The following BOC variants were observed in gnomAD, a reference collection of about 807,000 sequenced individuals.
BOC encodes the protein brother of CDO.
Under a neutral mutation model 112.0 loss-of-function variants are expected in BOC, and 76 were observed. The ratio of observed to expected loss-of-function variants is 0.68; its 90% CI spans 0.56 to 0.82. BOC has a LOEUF of 0.82. Among genes scored for constraint, BOC ranks in the 40% least tolerant of loss-of-function variants. BOC has a pLI of 0.00. For synonymous variants in BOC, 580 were observed against 599.8 expected, an observed-to-expected ratio of 0.97 and a Z score of 0.48; for missense variants, 1,309 against 1,511.7, an observed-to-expected ratio of 0.87 and a Z score of 2.22.
intron 4 of BOC, among the ~76,000 whole-genome samples, chr3:113,260,549 A>G (rs1318409788): frequency 1.3e-5 from 2 of 152,182 alleles, no homozygotes; most frequent in Non-Finnish European, 2.9e-5. Flanking sequence ...ATGGTGGTGC[A>G]TGGCCTGTTA....
chr3:113,276,432 G>A (rs1452368899), intron 9 of BOC, among the ~76,000 whole-genome samples: 2 of 152,196 alleles, frequency 1.3e-5, no homozygotes, highest in Non-Finnish European at 2.9e-5. Flanking sequence ...GTGAGAGTCC[G>A]GACAGGCCCC....
At chr3:113,275,868 C>G (rs1464321061) in intron 9 of BOC, among the ~76,000 whole-genome samples, 1 of 152,136 alleles carries the variant, frequency 6.6e-6, no homozygotes, top group Non-Finnish European at 1.5e-5. Flanking sequence ...TGGGTCAGGA[C>G]AAGTCCACAG....
rs914611716 is a variant in BOC, at chr3:113,279,169, A to G, written c.1817-80A>G. 4.8e-5 allele frequency: 69 copies of G among 1,444,056 alleles called. 1 individual carries two copies. The highest frequency in any genetic ancestry group is 5.7e-5 in the Non-Finnish European group (60 of 1,045,204). 89.5% of individuals were successfully genotyped at this position (1,444,056 alleles called of 1,614,324 possible). A position where few individuals can be genotyped will look rare whatever the true frequency, so the allele number is the denominator to read the frequency against. ...CAGGAGCAGGCCAGGCCCAGTGGGC[A>G]TACAGCGTCATCTCACCCTGCTTCC... On this transcript the variant is annotated intron_variant, in intron 11 of 19. Transcript: ENST00000682979.
chr3:113,238,926 A>T (rs147941786), intron 2 of BOC, among the ~76,000 whole-genome samples: 54 of 152,348 alleles, frequency 3.5e-4, no homozygotes, highest in African/African-American at 1.3e-3. Flanking sequence ...GTAGATGGCA[A>T]TGCAGAGGCT....
At chr3:113,284,287 C>A in intron 16 of BOC, 48 bp from the exon 17 acceptor site, 1 of 1,535,006 alleles carries the variant, frequency 6.5e-7, no homozygotes, top group Non-Finnish European at 9.0e-7. Context: ...TCCAACCCAT[C>A]CCGGGCTACC....
rs146459508 is a variant in BOC, at chr3:113,286,896, G to GT, written c.*44dup. On this transcript the variant is annotated 3_prime_UTR_variant, in exon 20 of 20. Transcript: ENST00000682979. ...TGATATCCCAGAAAGACTATATATTGTTTTTTTTTTAAAAAAAAAAAGAAG... is the reference window on the plus strand; with the variant it reads ...TGATATCCCAGAAAGACTATATATTGTTTTTTTTTTTAAAAAAAAAAAGAAG... The GT allele has an allele frequency of 0.2, 255,001 of 1,266,218 alleles. 14,000 individuals are homozygous for GT. Among genetic ancestry groups the GT allele is most frequent in the East Asian group, 0.41 (14,740 of 36,338 alleles). The allele number at this position is 1,266,218 out of a possible 1,614,324, so 78.4% of individuals were successfully genotyped here.
intron 2 of BOC, among the ~76,000 whole-genome samples, chr3:113,216,759 T>G (rs1467858691): frequency 6.6e-6 from 1 of 152,208 alleles, no homozygotes; most frequent in Non-Finnish European, 1.5e-5. Context: ...TGGCCTTCTC[T>G]TCAAAGAAGG....
At chr3:113,275,172 G>C (rs945977671) in intron 9 of BOC, among the ~76,000 whole-genome samples, 2 of 152,244 alleles carry the variant, frequency 1.3e-5, no homozygotes, top group Non-Finnish European at 2.9e-5. Flanking sequence ...TTTCTCTGTA[G>C]GCTGTGAAAC....
intron 9 of BOC, among the ~76,000 whole-genome samples, chr3:113,275,366 C>T (rs1380117915): frequency 6.6e-6 from 1 of 152,176 alleles, no homozygotes; most frequent in African/African-American, 2.4e-5. Flanking sequence ...GGGGCAGAGC[C>T]CAGCCAGGCC....
rs186983423 is a variant in BOC, at chr3:113,230,883, A to G, written c.-82+14609A>G. 9.2e-5 allele frequency among the ~76,000 whole-genome samples: 14 copies of G among 152,338 alleles called. No homozygotes were observed. In the East Asian group the frequency reaches 1.5e-3, roughly 17 times the overall value. ...CTAAGTATTAGATGGTATATTTTAT[A>G]TAACTTACTAAACAAAGCAATTTCA... On this transcript the variant is annotated intron_variant, in intron 2 of 19. Coordinates refer to ENST00000682979, the MANE Select transcript of BOC (RefSeq NM_001378074.1).
At chr3:113,262,772 C>A (rs987464973) in intron 4 of BOC, among the ~76,000 whole-genome samples, 1 of 152,134 alleles carries the variant, frequency 6.6e-6, no homozygotes, top group Admixed American at 6.5e-5. Flanking sequence ...AGCTATGGTC[C>A]CTCAAGTGAC....
intron 2 of BOC, among the ~76,000 whole-genome samples, chr3:113,242,737 G>A (rs1944459550): frequency 1.3e-5 from 2 of 152,018 alleles, no homozygotes; most frequent in Non-Finnish European, 2.9e-5. Context: ...TCCTTCTGTG[G>A]TATGAATTTT....
At chr3:113,251,057 G>A (rs1945571503) in intron 4 of BOC, 5 of 622,224 alleles carry the variant, frequency 8.0e-6, no homozygotes, top group South Asian at 5.8e-5. Context: ...TCTGGAGTGA[G>A]TGTCTACAGA....
intron 2 of BOC, among the ~76,000 whole-genome samples, chr3:113,222,188 C>G (rs1940813857): frequency 6.6e-6 from 1 of 152,190 alleles, no homozygotes; most frequent in Non-Finnish European, 1.5e-5. Flanking sequence ...TGCTTCCCCT[C>G]TAGACTGAAG....
In BOC at chr3:113,283,678, G is replaced by A. The variant is rs747072341; in HGVS notation, c.2656+46G>A. 7.7e-6 allele frequency: 12 copies of A among 1,560,556 alleles called. No individual in the cohort carries two copies. In the Admixed American group the frequency reaches 1.7e-4, roughly 22 times the overall value. On this transcript the variant is annotated intron_variant, in intron 16 of 19. Coordinates refer to ENST00000682979, the MANE Select transcript of BOC (RefSeq NM_001378074.1). ...GTGGGAGGATCCTGGGTGGGAAATG[G>A]GGGCTCCACTAAGGAGGCCTCTGCC... is the stretch of plus-strand genomic sequence containing the variant.
Position 113,264,574 on chromosome 3 carries a change from C to T in BOC, c.377-3725C>T, listed in dbSNP as rs531123688. Reference sequence around the variant, plus strand: ...GGAACAGGCTGGTTTCCTTCATATGCGCCAGCTAGAGCTCCTCTCTGCATC... The same window carrying T: ...GGAACAGGCTGGTTTCCTTCATATGTGCCAGCTAGAGCTCCTCTCTGCATC... On this transcript the variant is annotated intron_variant, in intron 4 of 19. Transcript: ENST00000682979. 1.6e-4 allele frequency among the ~76,000 whole-genome samples: 25 copies of T among 152,282 alleles called. No individual in the cohort carries two copies. The South Asian group carries it at 4.8e-3, about 29-fold the overall frequency.
At chr3:113,226,647 G>A (rs1444409136) in intron 2 of BOC, among the ~76,000 whole-genome samples, 2 of 152,156 alleles carry the variant, frequency 1.3e-5, no homozygotes, top group East Asian at 3.8e-4. Context: ...AATCTGGATG[G>A]GGGAAAGGTA....
chr3:113,279,265 C>A lies in BOC; in HGVS notation c.1833C>A (p.Asp611Glu). ...HGRLSPPEAP[D>E]RPTISTASET... ...CTTTCCCAGCCCCAGAAGCTCCCGA[C>A]AGGCCCACCATCTCCACGGCCTCCG... The change falls in exon 12 of 20, where the codon GAC (aspartate) becomes GAA (glutamate). Residue 611 changes from aspartate (D) to glutamate (E), a missense_variant. By Grantham distance (45) the Asp-to-Glu change is conservative. Coordinates refer to ENST00000682979, the MANE Select transcript of BOC (RefSeq NM_001378074.1). 6.2e-7 allele frequency: 1 copy of A among 1,613,734 alleles called. No homozygotes were observed. The highest frequency in any genetic ancestry group is 8.5e-7 in the Non-Finnish European group (1 of 1,179,756).
intron 1 of BOC, chr3:113,212,253 G>C (rs910846059): frequency 2.0e-5 from 3 of 151,778 alleles, no homozygotes; most frequent in Non-Finnish European, 4.4e-5. Context: ...GGCGAGGCGG[G>C]CAGCGGGGGT....
Sources: gnomAD v4.1 joint callset for allele counts (sites outside exome capture counted in the v4.1 genomes callset) on GRCh38, gnomAD v4.1.1 for gene constraint, MANE v1.5 for transcripts, NCBI Gene and HGNC (gene_info 2026-07-23, HGNC 2026-07-21) for gene names.